Variants in KAZN observed in about 807,000 individuals in gnomAD.
KAZN encodes the protein kazrin, periplakin interacting protein.
KAZN carries 40 observed loss-of-function variants against 87.4 expected under a neutral mutation model. The observed-to-expected ratio is 0.46, with a 90% CI of 0.36 to 0.60. KAZN has a LOEUF of 0.60. KAZN is among the 20% of genes least tolerant of loss of function. The pLI, the probability that KAZN is intolerant of heterozygous loss-of-function variation, is 0.00. For missense variants in KAZN, 898 were observed against 1,073.9 expected, an observed-to-expected ratio of 0.84 and a Z score of 2.29; for synonymous variants, 466 against 458.3, an observed-to-expected ratio of 1.02 and a Z score of -0.22.
chr1:14,977,451 T>A (rs1665765022), intron 2 of KAZN, among the ~76,000 whole-genome samples: 2 of 152,194 alleles, frequency 1.3e-5, no homozygotes, highest in Admixed American at 6.5e-5. Context: ...TTTCTGGTCG[T>A]GTGGCCTGTC....
chr1:15,024,793 T>A (rs1671019297), intron 2 of KAZN, among the ~76,000 whole-genome samples: 1 of 152,198 alleles, frequency 6.6e-6, no homozygotes, highest in Non-Finnish European at 1.5e-5. Flanking sequence ...TTTGGTCCAC[T>A]TGAGTCTTCT....
At chr1:14,592,435 T>C (rs1557821334) in intron 2 of KAZN, among the ~76,000 whole-genome samples, 1 of 152,152 alleles carries the variant, frequency 6.6e-6, no homozygotes, top group Non-Finnish European at 1.5e-5. Context: ...TCATGACGCA[T>C]CAGATTCTCC....
At chr1:14,995,897 T>C (rs1667813841) in intron 2 of KAZN, among the ~76,000 whole-genome samples, 1 of 152,136 alleles carries the variant, frequency 6.6e-6, no homozygotes, top group African/African-American at 2.4e-5. Context: ...ATTTTCAAAT[T>C]TGTTACCACC....
intron 2 of KAZN, among the ~76,000 whole-genome samples, chr1:14,402,493 G>A (rs1663500121): frequency 6.6e-6 from 1 of 151,898 alleles, no homozygotes; most frequent in Admixed American, 6.6e-5. Context: ...CAAGCAAATA[G>A]GAATATATAT....
intron 1 of KAZN, among the ~76,000 whole-genome samples, chr1:14,746,416 T>C (rs1259730525): frequency 1.3e-5 from 2 of 152,170 alleles, no homozygotes; most frequent in Non-Finnish European, 2.9e-5. Flanking sequence ...CAGTCTCTGC[T>C]GCAGGTTTCT....
chr1:14,314,931 G>A (rs967605924), intron 2 of KAZN, among the ~76,000 whole-genome samples: 12 of 152,016 alleles, frequency 7.9e-5, no homozygotes, highest in African/African-American at 2.9e-4. Flanking sequence ...CATGTGGTAC[G>A]TGGCCTTTTG....
intron 4 of KAZN, among the ~76,000 whole-genome samples, chr1:15,051,036 G>A (rs1476452005): frequency 6.6e-6 from 1 of 152,216 alleles, no homozygotes; most frequent in Non-Finnish European, 1.5e-5. Flanking sequence ...GAAGAAGGTG[G>A]CCTTGTGCCC....
At position 15,066,005 on chromosome 1, in the gene KAZN, A is replaced by G; in HGVS notation, c.1222+252A>G. 1 of 1,324,894 alleles carries G rather than the reference A, an allele frequency of 7.5e-7. No homozygotes were observed. Among genetic ancestry groups the G allele is most frequent in the South Asian group, 2.1e-5 (1 of 46,782 alleles). 82.1% of individuals were successfully genotyped at this position (1,324,894 alleles called of 1,614,324 possible). ...CCCTGCGTCGCCACCTCTGTAATTG[A>G]TGTACATACCGCAAACCGTGTGTGA... On this transcript the variant is annotated intron_variant, in intron 8 of 14. Coordinates refer to ENST00000376030, the MANE Select transcript of KAZN (RefSeq NM_201628.3). The surrounding 1 kb of genome is among the most constrained non-coding windows in gnomAD (Gnocchi z 4.3).
At chr1:14,439,393 C>T (rs1030028500) in intron 2 of KAZN, among the ~76,000 whole-genome samples, 1 of 152,200 alleles carries the variant, frequency 6.6e-6, no homozygotes, top group Non-Finnish European at 1.5e-5. Flanking sequence ...ACTATAACTG[C>T]CTCCTAACAG....
chr1:14,216,673 A>T (rs570591454), intron 2 of KAZN, among the ~76,000 whole-genome samples: 10 of 152,286 alleles, frequency 6.6e-5, no homozygotes, highest in African/African-American at 2.4e-4. Flanking sequence ...TGGGAGGCTG[A>T]GGCAGGTGGA....
At chr1:14,098,852 G>T (rs556134901) in intron 1 of KAZN, among the ~76,000 whole-genome samples, 1 of 152,238 alleles carries the variant, frequency 6.6e-6, no homozygotes, top group East Asian at 1.9e-4. Context: ...TATGCCTTCT[G>T]CTTCCACCCT....
At chr1:14,291,358 G>A (rs937853303) in intron 2 of KAZN, among the ~76,000 whole-genome samples, 1 of 152,136 alleles carries the variant, frequency 6.6e-6, no homozygotes, top group African/African-American at 2.4e-5. Flanking sequence ...AGCTTCCCTG[G>A]CCGCTTTGTT....
intron 1 of KAZN, among the ~76,000 whole-genome samples, chr1:14,706,154 T>A (rs898235679): frequency 6.6e-6 from 1 of 152,136 alleles, no homozygotes; most frequent in African/African-American, 2.4e-5. Context: ...CGATGATCTG[T>A]CACTGATTCC....
chr1:14,129,835 T>C (rs909080229), intron 1 of KAZN, among the ~76,000 whole-genome samples: 1 of 152,246 alleles, frequency 6.6e-6, no homozygotes, highest in African/African-American at 2.4e-5. Flanking sequence ...GTGAGTTTAC[T>C]GAAACACTGG....
At chr1:15,044,231 C>G (rs1673231067) in intron 4 of KAZN, 72 bp downstream of exon 4, 2 of 1,291,566 alleles carry the variant, frequency 1.5e-6, no homozygotes, top group African/African-American at 3.0e-5. Context: ...GGACGTCTGG[C>G]ACCGACTCAC....
At chr1:14,444,306 ATTT>A (rs35461813) in intron 2 of KAZN, among the ~76,000 whole-genome samples, 16 of 95,226 alleles carry the variant, frequency 1.7e-4, no homozygotes, top group African/African-American at 6.7e-4. Flanking sequence ...TAAATTCATG[ATTT>A]TTTTTTTTTT....
chr1:14,438,596 G>C (rs149204644), intron 2 of KAZN, among the ~76,000 whole-genome samples: 2 of 152,346 alleles, frequency 1.3e-5, no homozygotes, highest in African/African-American at 4.8e-5. Context: ...GGAGGCCAGA[G>C]TGTGGTAAAC....
At chr1:14,308,875 T>C (rs753899798) in intron 2 of KAZN, among the ~76,000 whole-genome samples, 8 of 152,224 alleles carry the variant, frequency 5.3e-5, no homozygotes, top group African/African-American at 1.2e-4. Flanking sequence ...TCAGATTATT[T>C]CCAGGGTGCA....
At chr1:14,388,870 G>T (rs894560859) in intron 2 of KAZN, among the ~76,000 whole-genome samples, 1 of 152,082 alleles carries the variant, frequency 6.6e-6, no homozygotes, top group Non-Finnish European at 1.5e-5. Flanking sequence ...AAATTAAAAG[G>T]CTTCTGCATA....
Sources: allele counts gnomAD v4.1 joint callset (sites outside exome capture counted in the v4.1 genomes callset), GRCh38; gene constraint gnomAD v4.1.1; non-coding constraint Gnocchi (gnomAD v3.1); transcripts MANE v1.5; gene names NCBI Gene and HGNC (gene_info 2026-07-23, HGNC 2026-07-21).